Variants in NRG3 observed in about 807,000 individuals in gnomAD.
The protein encoded by NRG3 is pro-neuregulin-3, membrane-bound isoform.
NRG3 carries 31 observed loss-of-function variants against 66.9 expected under a neutral mutation model. The observed-to-expected ratio is 0.46, with a 90% CI of 0.35 to 0.63. The LOEUF (loss-of-function observed/expected upper bound fraction) is 0.63. Ranked by LOEUF, NRG3 falls within the 20% of genes least tolerant of loss-of-function variation. The probability of loss-of-function intolerance (pLI) is 0.00; values close to 1 mark genes in which losing one functional copy is unlikely to be tolerated. For synonymous variants in NRG3, 393 were observed against 359.4 expected, an observed-to-expected ratio of 1.09 and a Z score of -1.06; for missense variants, 910 against 878.9, an observed-to-expected ratio of 1.04 and a Z score of -0.45.
At position 82,000,728 on chromosome 10, in the gene NRG3, C is replaced by T. The variant is rs193058099; in HGVS notation, c.823+124565C>T. 4.4e-3 allele frequency among the ~76,000 whole-genome samples: 664 copies of T among 152,232 alleles called. 11 individuals are homozygous for T. Among genetic ancestry groups the T allele is most frequent in the East Asian group, 1.5e-3 (8 of 5,178 alleles). On this transcript the variant is annotated intron_variant, in intron 1 of 8. Transcript: ENST00000372141. ...TGAATATATTAACTTACTAACCTTA[C>T]GACTGTAGCAAATACTAACAGTTGA... is the stretch of plus-strand genomic sequence containing the variant.
intron 1 of NRG3, among the ~76,000 whole-genome samples, chr10:81,956,879 A>C (rs954451553): frequency 1.3e-5 from 2 of 151,246 alleles, no homozygotes; most frequent in Non-Finnish European, 2.9e-5. Context: ...CCTTTCTACC[A>C]CTCTCCTCCA....
intron 4 of NRG3, among the ~76,000 whole-genome samples, chr10:82,950,550 C>A (rs1371245712): frequency 6.6e-6 from 1 of 152,116 alleles, no homozygotes; most frequent in Non-Finnish European, 1.5e-5. Context: ...AAGGCAGTTT[C>A]TTGGATTTGT....
chr10:82,841,504 A>T (rs937632186), intron 3 of NRG3, among the ~76,000 whole-genome samples: 2 of 152,218 alleles, frequency 1.3e-5, no homozygotes, highest in Non-Finnish European at 2.9e-5. Context: ...GTTGGCTTAC[A>T]TGATTATGGG....
At chr10:82,931,810 C>T (rs1252335567) in intron 4 of NRG3, among the ~76,000 whole-genome samples, 1 of 152,120 alleles carries the variant, frequency 6.6e-6, no homozygotes, top group Non-Finnish European at 1.5e-5. Context: ...AATGATATCC[C>T]TTTCAGCTTC....
intron 1 of NRG3, among the ~76,000 whole-genome samples, chr10:82,007,168 T>G (rs1164683484): frequency 6.6e-6 from 1 of 151,928 alleles, no homozygotes; most frequent in Non-Finnish European, 1.5e-5. Context: ...CATTGTGCTA[T>G]TATAAAAGTA....
chr10:82,639,727 G>C (rs775243291), intron 2 of NRG3, among the ~76,000 whole-genome samples: 1 of 151,804 alleles, frequency 6.6e-6, no homozygotes, highest in African/African-American at 2.4e-5. Flanking sequence ...TTTCTTGGCT[G>C]TAAGAATTTC....
chr10:82,609,465 C>T (rs1282357562), intron 2 of NRG3, among the ~76,000 whole-genome samples: 1 of 152,006 alleles, frequency 6.6e-6, no homozygotes, highest in African/African-American at 2.4e-5. Context: ...CTCACCTTTT[C>T]TATTTTACAA....
chr10:82,610,306 T>TATATGCATATAAA (rs137990109), intron 2 of NRG3, among the ~76,000 whole-genome samples: 1 of 151,958 alleles, frequency 6.6e-6, no homozygotes, highest in Non-Finnish European at 1.5e-5. Context: ...AGAGACCCTC[T>TATATGCATATAAA]TGCCGTGTAA....
intron 3 of NRG3, among the ~76,000 whole-genome samples, chr10:82,768,036 C>G (rs553588660): frequency 2.6e-5 from 4 of 152,068 alleles, no homozygotes; most frequent in Non-Finnish European, 5.9e-5. Context: ...TGGAGGCCCC[C>G]AGATACCAGA....
intron 1 of NRG3, among the ~76,000 whole-genome samples, chr10:82,294,931 C>T (rs979188060): frequency 6.6e-6 from 1 of 152,028 alleles, no homozygotes; most frequent in African/African-American, 2.4e-5. Context: ...TAAGTTATAG[C>T]CCTGCATTAC....
chr10:82,027,254 A>G (rs1030411008), intron 1 of NRG3, among the ~76,000 whole-genome samples: 3 of 152,120 alleles, frequency 2.0e-5, no homozygotes. Context: ...GTATAAGTAA[A>G]GGGAATATTA....
chr10:81,877,912 T>A (rs1459746586), intron 1 of NRG3: 2 of 1,536,954 alleles, frequency 1.3e-6, no homozygotes, highest in Non-Finnish European at 1.7e-6. Flanking sequence ...GAGTCTACCC[T>A]GAAGACCCCA....
intron 1 of NRG3, among the ~76,000 whole-genome samples, chr10:82,306,978 C>T (rs953932057): frequency 6.6e-6 from 1 of 152,070 alleles, no homozygotes; most frequent in African/African-American, 2.4e-5. Flanking sequence ...TTTCCTCTGA[C>T]ATAAAGTTAC....
intron 3 of NRG3, among the ~76,000 whole-genome samples, chr10:82,853,572 G>T (rs868344461): frequency 1.3e-5 from 2 of 152,112 alleles, no homozygotes; most frequent in Middle Eastern, 6.8e-3. Context: ...CTTGTAAAAG[G>T]GGTTGAGTTT....
At chr10:82,846,437 A>T (rs190107264) in intron 3 of NRG3, among the ~76,000 whole-genome samples, 2,451 of 152,274 alleles carry the variant, frequency 0.016, 29 homozygotes, top group African/African-American at 0.026. Flanking sequence ...AATACATTTT[A>T]AAAAAATGCA....
chr10:82,602,645 G>GT (rs2047706865), intron 2 of NRG3, among the ~76,000 whole-genome samples: 1 of 152,030 alleles, frequency 6.6e-6, no homozygotes, highest in Non-Finnish European at 1.5e-5. Flanking sequence ...CACCTAATAT[G>GT]TTTTTTTGAG....
chr10:82,277,570 G>A (rs1394756845), intron 1 of NRG3, among the ~76,000 whole-genome samples: 2 of 152,016 alleles, frequency 1.3e-5, no homozygotes, highest in Admixed American at 6.6e-5. Flanking sequence ...AGTGGCTAAT[G>A]TAACCTCCTT....
chr10:82,506,301 C>T (rs569746244), intron 2 of NRG3, among the ~76,000 whole-genome samples: 1 of 152,190 alleles, frequency 6.6e-6, no homozygotes, highest in Non-Finnish European at 1.5e-5. Context: ...TGCAAGCTGT[C>T]CCAGTGCTGC....
chr10:82,487,771 T>C (rs1157153756), intron 2 of NRG3, among the ~76,000 whole-genome samples: 1 of 152,252 alleles, frequency 6.6e-6, no homozygotes, highest in Admixed American at 6.5e-5. Flanking sequence ...TGCTATTTTC[T>C]ATCAAATTCC....
Sources: gnomAD v4.1 joint callset for allele counts (sites outside exome capture counted in the v4.1 genomes callset) on GRCh38, gnomAD v4.1.1 for gene constraint, MANE v1.5 for transcripts, NCBI Gene and HGNC (gene_info 2026-07-23, HGNC 2026-07-21) for gene names.